NBAS: variants seen among roughly 807,000 people sequenced by gnomAD.
NBAS encodes the protein NAG/BC035112 fusion.
NBAS carries 219 observed loss-of-function variants against 302.5 expected under a neutral mutation model. The observed-to-expected ratio is 0.72, with a 90% CI of 0.65 to 0.81. NBAS has a LOEUF of 0.81. NBAS is among the 30% of genes least tolerant of loss of function. The pLI is 0.00. For synonymous variants in NBAS, 1,118 were observed against 1,021.6 expected (o/e 1.09, Z -1.80); for missense variants, 2,932 against 2,841.6 (o/e 1.03, Z -0.72).
chr2:15,436,978 C>A (rs555953982), intron 21 of NBAS, among the ~76,000 whole-genome samples: 2 of 152,276 alleles, frequency 1.3e-5, no homozygotes, highest in East Asian at 3.9e-4. Flanking sequence ...AAAACAAAAA[C>A]TATCCCCAAA....
At chr2:15,101,731 G>T in the NBAS span, among the ~76,000 whole-genome samples, 1 of 152,142 alleles carries the variant, frequency 6.6e-6, no homozygotes, top group Non-Finnish European at 1.5e-5. Flanking sequence ...ATGGGAGTGA[G>T]TTCAGAAGAA....
At chr2:15,419,537 C>A (rs1404951574) in intron 23 of NBAS, among the ~76,000 whole-genome samples, 2 of 152,078 alleles carry the variant, frequency 1.3e-5, no homozygotes, top group East Asian at 3.9e-4. Context: ...ATCTTCCCAC[C>A]TCCGCAACAG....
At chr2:15,058,995 T>C in the NBAS span, among the ~76,000 whole-genome samples, 1 of 152,174 alleles carries the variant, frequency 6.6e-6, no homozygotes, top group Non-Finnish European at 1.5e-5. Flanking sequence ...CCCATCTGTT[T>C]GAGCAATGTT....
chr2:15,559,596 G>C (rs577799273), intron 1 of NBAS, among the ~76,000 whole-genome samples: 10 of 152,276 alleles, frequency 6.6e-5, no homozygotes, highest in Admixed American at 6.5e-4. Flanking sequence ...ATTCATGCAA[G>C]ACACAATTTG....
the NBAS span, among the ~76,000 whole-genome samples, chr2:15,081,026 T>C: frequency 6.6e-6 from 1 of 152,020 alleles, no homozygotes; most frequent in Admixed American, 6.6e-5. Flanking sequence ...CGGGCCACCA[T>C]GCAGAGGCAG....
At chr2:14,889,318 C>T in the NBAS span, among the ~76,000 whole-genome samples, 2 of 152,148 alleles carry the variant, frequency 1.3e-5, no homozygotes, top group African/African-American at 2.4e-5. Flanking sequence ...CTTAGACTGA[C>T]GTAATGCCAT....
At chr2:15,343,641 T>C (rs761437501) in intron 35 of NBAS, among the ~76,000 whole-genome samples, 7 of 152,074 alleles carry the variant, frequency 4.6e-5, no homozygotes, top group Admixed American at 6.6e-5. Flanking sequence ...AGTTCTAATT[T>C]CACCTTTTTA....
At chr2:15,449,666 C>G (rs1484220867) in intron 21 of NBAS, among the ~76,000 whole-genome samples, 1 of 152,060 alleles carries the variant, frequency 6.6e-6, no homozygotes, top group Admixed American at 6.6e-5. Flanking sequence ...AGAAGACATG[C>G]AAACCAATTA....
intron 35 of NBAS, among the ~76,000 whole-genome samples, chr2:15,331,449 T>G (rs879503061): frequency 3.9e-5 from 6 of 152,220 alleles, no homozygotes; most frequent in Non-Finnish European, 7.3e-5. Context: ...AAAAATATTA[T>G]TTGTTCTATA....
the NBAS span, among the ~76,000 whole-genome samples, chr2:14,989,924 T>C: frequency 6.6e-6 from 1 of 152,130 alleles, no homozygotes; most frequent in Admixed American, 6.6e-5. Context: ...GGGCGTAAAA[T>C]GGTACACAAA....
chr2:15,459,410 T>A (rs1449616001), intron 21 of NBAS, among the ~76,000 whole-genome samples: 1 of 152,200 alleles, frequency 6.6e-6, no homozygotes. Context: ...AAAACATGCA[T>A]AAAATATATT....
the NBAS span, among the ~76,000 whole-genome samples, chr2:15,041,697 T>G: frequency 6.6e-6 from 1 of 152,222 alleles, no homozygotes; most frequent in Non-Finnish European, 1.5e-5. Context: ...AAACAGATAC[T>G]GAACAAGTGA....
At chr2:14,845,854 C>G in the NBAS span, among the ~76,000 whole-genome samples, 4 of 151,616 alleles carry the variant, frequency 2.6e-5, no homozygotes, top group East Asian at 3.9e-4. Flanking sequence ...TTTGAAAACA[C>G]AGTCAGAAGA....
chr2:15,468,615 G>T (rs753808971), intron 16 of NBAS, 82 bp from the exon 17 acceptor site: 2 of 1,483,420 alleles, frequency 1.3e-6, no homozygotes, highest in Non-Finnish European at 1.9e-6. Context: ...GAATTGTAAA[G>T]CTATACCTGA....
At chr2:15,544,610 T>C (rs766185284) in intron 6 of NBAS, among the ~76,000 whole-genome samples, 6 of 151,910 alleles carry the variant, frequency 3.9e-5, no homozygotes, top group Non-Finnish European at 8.8e-5. Context: ...CAAACAATAA[T>C]AAAGAGAAAA....
the NBAS span, among the ~76,000 whole-genome samples, chr2:15,051,331 A>T: frequency 2.0e-5 from 3 of 152,204 alleles, no homozygotes; most frequent in African/African-American, 4.8e-5. Context: ...GGAGCTGGCC[A>T]GGTGAAATGT....
At chr2:15,119,688 A>G in the NBAS span, among the ~76,000 whole-genome samples, 2 of 152,080 alleles carry the variant, frequency 1.3e-5, no homozygotes, top group African/African-American at 2.4e-5. Context: ...CTCTGAATAT[A>G]AGTGCATCTG....
the NBAS span, among the ~76,000 whole-genome samples, chr2:14,912,403 C>T: frequency 6.6e-6 from 1 of 151,820 alleles, no homozygotes; most frequent in African/African-American, 2.4e-5. Context: ...CAAATTTCAC[C>T]CTTCATTACC....
At chr2:15,326,379 C>A (rs1672066918) in intron 38 of NBAS, among the ~76,000 whole-genome samples, 1 of 152,082 alleles carries the variant, frequency 6.6e-6, no homozygotes, top group African/African-American at 2.4e-5. Flanking sequence ...ATCGTATAAA[C>A]CAATGTTTGC....
Sources: allele counts gnomAD v4.1 joint callset (sites outside exome capture counted in the v4.1 genomes callset), GRCh38; gene constraint gnomAD v4.1.1; transcripts MANE v1.5; gene names NCBI Gene and HGNC (gene_info 2026-07-23, HGNC 2026-07-21).